The following L3MBTL4 variants were observed in gnomAD, a reference collection of about 807,000 sequenced individuals.
The protein encoded by L3MBTL4 is lethal(3)malignant brain tumor-like protein 4.
L3MBTL4 carries 70 observed loss-of-function variants against 84.5 expected under a neutral mutation model. The observed-to-expected ratio is 0.83, with a 90% CI of 0.68 to 1.01. The LOEUF is 1.01. Ranked by LOEUF, L3MBTL4 falls within the 50% of genes least tolerant of loss-of-function variation. The pLI, the probability that L3MBTL4 is intolerant of heterozygous loss-of-function variation, is 0.00. For synonymous variants in L3MBTL4, 274 were observed against 259.8 expected (o/e 1.05, Z -0.52); for missense variants, 715 against 754.8 (o/e 0.95, Z 0.62).
At chr18:5,987,351 CT>C (rs2053507549) in intron 16 of L3MBTL4, among the ~76,000 whole-genome samples, 1 of 152,258 alleles carries the variant, frequency 6.6e-6, no homozygotes, top group Non-Finnish European at 1.5e-5. Context: ...TAATCTAACA[CT>C]TTTGCACTGT....
intron 12 of L3MBTL4, among the ~76,000 whole-genome samples, chr18:6,204,391 CA>C (rs1257421197): frequency 9.2e-5 from 14 of 152,220 alleles, no homozygotes; most frequent in Non-Finnish European, 1.5e-4. Flanking sequence ...CCTTCTCCCA[CA>C]GCTGAGCCCT....
chr18:6,337,032 G>A (rs945406878), intron 1 of L3MBTL4, among the ~76,000 whole-genome samples: 3 of 152,090 alleles, frequency 2.0e-5, no homozygotes, highest in Admixed American at 2.0e-4. Flanking sequence ...TTGATGGATG[G>A]GTTTAACGAC....
intron 1 of L3MBTL4, among the ~76,000 whole-genome samples, chr18:6,383,259 G>A (rs960427840): frequency 6.6e-6 from 1 of 152,088 alleles, no homozygotes; most frequent in African/African-American, 2.4e-5. Context: ...CGTGGGGGTA[G>A]GACCTGCTGA....
At chr18:6,298,440 C>T (rs997615507) in intron 4 of L3MBTL4, among the ~76,000 whole-genome samples, 17 of 151,980 alleles carry the variant, frequency 1.1e-4, no homozygotes, top group Non-Finnish European at 2.1e-4. Context: ...GCTATAGTTG[C>T]GGATAATCTT....
intron 14 of L3MBTL4, among the ~76,000 whole-genome samples, chr18:6,094,968 T>C (rs2058582517): frequency 1.3e-5 from 2 of 152,204 alleles, no homozygotes; most frequent in African/African-American, 2.4e-5. Flanking sequence ...ATCTATTGGT[T>C]TATTAATCTA....
At chr18:6,004,733 A>T (rs745852415) in intron 16 of L3MBTL4, among the ~76,000 whole-genome samples, 2 of 152,222 alleles carry the variant, frequency 1.3e-5, no homozygotes, top group Non-Finnish European at 2.9e-5. Flanking sequence ...AAGACATGAC[A>T]TTAAGTGAAC....
Position 6,075,434 on chromosome 18 carries a change from G to C in L3MBTL4, c.1444+5447C>G, listed in dbSNP as rs185961197. On this transcript the variant is annotated intron_variant, in intron 16 of 18. Transcript: ENST00000317931. ...CTACTTGTGTTACTACTGAGCAATA[G>C]GGAAATGACTTTTTAATAAATGGTG... is the stretch of plus-strand genomic sequence containing the variant. 2.1e-3 allele frequency among the ~76,000 whole-genome samples: 314 copies of C among 152,166 alleles called. 1 individual carries two copies. The highest frequency in any genetic ancestry group is 7.0e-3 in the African/African-American group (290 of 41,542).
At chr18:6,255,712 C>G (rs1227893371) in intron 5 of L3MBTL4, among the ~76,000 whole-genome samples, 1 of 151,074 alleles carries the variant, frequency 6.6e-6, no homozygotes, top group Non-Finnish European at 1.5e-5. Context: ...TTTTTTCCCC[C>G]TGGGAGTACT....
At chr18:6,134,488 T>G (rs572776839) in intron 14 of L3MBTL4, among the ~76,000 whole-genome samples, 5 of 152,322 alleles carry the variant, frequency 3.3e-5, no homozygotes, top group Admixed American at 3.3e-4. Flanking sequence ...CCTATGAGCC[T>G]GTAAAATCAA....
intron 5 of L3MBTL4, among the ~76,000 whole-genome samples, 195 bp downstream of exon 5, chr18:6,263,752 G>A (rs181201299): frequency 6.6e-5 from 10 of 152,326 alleles, no homozygotes; most frequent in African/African-American, 1.9e-4. Context: ...AGGTCACAGA[G>A]CTGGCAGGTG....
At chr18:6,407,334 A>G (rs1439127789) in intron 1 of L3MBTL4, among the ~76,000 whole-genome samples, 2 of 152,176 alleles carry the variant, frequency 1.3e-5, no homozygotes, top group Non-Finnish European at 2.9e-5. Flanking sequence ...AACCTGCCCA[A>G]AAACAGTCAC....
intron 16 of L3MBTL4, among the ~76,000 whole-genome samples, chr18:6,001,638 A>T (rs201741839): frequency 0.051 from 7,805 of 152,242 alleles, 472 homozygotes; most frequent in Admixed American, 0.17. Context: ...AAATCAACAG[A>T]AAAATAACTA....
At chr18:6,262,090 C>A (rs2048430066) in intron 5 of L3MBTL4, among the ~76,000 whole-genome samples, 1 of 152,154 alleles carries the variant, frequency 6.6e-6, no homozygotes. Context: ...TGTTCTTTGG[C>A]TCAACCTCAA....
chr18:6,162,294 C>T (rs2043379923), intron 13 of L3MBTL4, among the ~76,000 whole-genome samples: 1 of 152,082 alleles, frequency 6.6e-6, no homozygotes, highest in Non-Finnish European at 1.5e-5. Context: ...AAGCCCTCAA[C>T]TTTTAGTAGT....
chr18:6,327,290 C>G (rs1379510741), intron 1 of L3MBTL4, among the ~76,000 whole-genome samples: 3 of 152,148 alleles, frequency 2.0e-5, no homozygotes, highest in African/African-American at 7.2e-5. Context: ...TAGAAAACCT[C>G]TAGCACATGT....
chr18:5,977,544 G>A (rs1197257395), intron 16 of L3MBTL4, among the ~76,000 whole-genome samples: 1 of 152,216 alleles, frequency 6.6e-6, no homozygotes, highest in Non-Finnish European at 1.5e-5. Flanking sequence ...GCATCCTGAG[G>A]GAATAAGTCA....
intron 16 of L3MBTL4, among the ~76,000 whole-genome samples, chr18:6,044,439 G>A (rs1036343213): frequency 1.3e-5 from 2 of 152,132 alleles, no homozygotes; most frequent in African/African-American, 4.8e-5. Context: ...ATGTAAGAAG[G>A]TGTTTCTCAA....
intron 12 of L3MBTL4, among the ~76,000 whole-genome samples, chr18:6,172,531 C>G (rs890896580): frequency 6.6e-6 from 1 of 152,090 alleles, no homozygotes; most frequent in Non-Finnish European, 1.5e-5. Flanking sequence ...CAAGGGTAAG[C>G]TATTAAGAAA....
At chr18:6,181,021 C>T (rs1470907037) in intron 12 of L3MBTL4, among the ~76,000 whole-genome samples, 1 of 152,084 alleles carries the variant, frequency 6.6e-6, no homozygotes, top group Admixed American at 6.6e-5. Context: ...CACAAAAGGA[C>T]AAATATCTAC....
Sources: gnomAD v4.1 joint callset for allele counts (sites outside exome capture counted in the v4.1 genomes callset) on GRCh38, gnomAD v4.1.1 for gene constraint, MANE v1.5 for transcripts, NCBI Gene and HGNC (gene_info 2026-07-23, HGNC 2026-07-21) for gene names.